NREP: variants seen among roughly 807,000 people sequenced by gnomAD.
The protein encoded by NREP is neuronal regeneration related protein, also known as neuronal regeneration-related protein.
A neutral mutation model predicts 8.6 loss-of-function variants in NREP; 5 were observed. That is an observed-to-expected ratio of 0.58 (90% confidence interval 0.30 to 1.22). The LOEUF (loss-of-function observed/expected upper bound fraction) is 1.22. NREP is among the 50% of genes most tolerant of loss of function. The pLI, the probability that NREP is intolerant of heterozygous loss-of-function variation, is 0.07. For missense variants in NREP, 86 were observed against 82.5 expected, an observed-to-expected ratio of 1.04 and a Z score of -0.17; for synonymous variants, 27 against 28.0, an observed-to-expected ratio of 0.96 and a Z score of 0.11.
intron 2 of NREP, among the ~76,000 whole-genome samples, chr5:111,863,114 T>C (rs759849649): frequency 2.0e-5 from 3 of 150,758 alleles, no homozygotes; most frequent in Admixed American, 6.6e-5. Flanking sequence ...AGAGATCAGC[T>C]AGAAGGCTGT....
At chr5:111,967,228 C>T (rs766686377) in intron 2 of NREP, among the ~76,000 whole-genome samples, 4 of 152,170 alleles carry the variant, frequency 2.6e-5, no homozygotes, top group African/African-American at 4.8e-5. Flanking sequence ...TGCACGAGCC[C>T]GTCATGCACC....
At chr5:111,950,941 A>G (rs1014128320) in intron 2 of NREP, among the ~76,000 whole-genome samples, 12 of 152,050 alleles carry the variant, frequency 7.9e-5, no homozygotes, top group African/African-American at 2.9e-4. Flanking sequence ...TCAAAGTGCA[A>G]TTGACGTCTC....
intron 2 of NREP, among the ~76,000 whole-genome samples, chr5:111,864,820 G>C (rs1753629452): frequency 6.6e-6 from 1 of 152,024 alleles, no homozygotes; most frequent in African/African-American, 2.4e-5. Flanking sequence ...AATTTAAAAA[G>C]GTTATTGATT....
chr5:111,814,534 T>C (rs545927490), intron 2 of NREP, among the ~76,000 whole-genome samples: 1 of 152,242 alleles, frequency 6.6e-6, no homozygotes, highest in East Asian at 1.9e-4. Flanking sequence ...AGGATTAAAG[T>C]ACTCCCCAGG....
At chr5:111,740,848 T>C (rs193213304) in intron 2 of NREP, among the ~76,000 whole-genome samples, 5 of 152,236 alleles carry the variant, frequency 3.3e-5, no homozygotes, top group African/African-American at 4.8e-5. Flanking sequence ...ATCTACTTAT[T>C]ACCTGTTTCT....
At chr5:111,930,309 A>G (rs1755501134) in intron 2 of NREP, among the ~76,000 whole-genome samples, 1 of 152,152 alleles carries the variant, frequency 6.6e-6, no homozygotes, top group Non-Finnish European at 1.5e-5. Flanking sequence ...ATTCCACTCC[A>G]TCTGTTACTA....
intron 3 of NREP, 87 bp from the exon 4 acceptor site, chr5:111,731,133 C>T (rs938693574): frequency 1.4e-6 from 2 of 1,480,934 alleles, no homozygotes; most frequent in Admixed American, 2.0e-5. Flanking sequence ...TAAAATTTTG[C>T]TTTTCCTGCC....
chr5:111,822,246 G>A (rs141296268), intron 2 of NREP, among the ~76,000 whole-genome samples: 122 of 152,198 alleles, frequency 8.0e-4, no homozygotes, highest in African/African-American at 1.7e-3. Flanking sequence ...GGAGAGAAGG[G>A]GAATAAAGAA....
At chr5:111,875,760 C>T (rs1753891981) in intron 2 of NREP, among the ~76,000 whole-genome samples, 1 of 152,164 alleles carries the variant, frequency 6.6e-6, no homozygotes, top group African/African-American at 2.4e-5. Context: ...GCTGGTGAAG[C>T]AGCCTTGTTG....
intron 2 of NREP, among the ~76,000 whole-genome samples, chr5:111,904,586 T>C (rs1279113220): frequency 6.6e-6 from 1 of 152,124 alleles, no homozygotes. Context: ...TGTGGCTTGA[T>C]AGTTCAATTT....
chr5:111,867,723 CAG>C (rs912119568), intron 2 of NREP, among the ~76,000 whole-genome samples: 4 of 152,002 alleles, frequency 2.6e-5, no homozygotes, highest in African/African-American at 9.7e-5. Flanking sequence ...GAAAACAAAA[CAG>C]AATAAAATAT....
chr5:111,949,872 T>C (rs371855145), intron 2 of NREP, among the ~76,000 whole-genome samples: 10 of 152,114 alleles, frequency 6.6e-5, no homozygotes, highest in African/African-American at 2.4e-4. Flanking sequence ...CTATTCTAAA[T>C]AGTGCTGAAA....
chr5:111,881,204 C>T (rs1408289265), intron 2 of NREP, among the ~76,000 whole-genome samples: 1 of 152,194 alleles, frequency 6.6e-6, no homozygotes, highest in Admixed American at 6.5e-5. Flanking sequence ...GGTCCTACAC[C>T]CACGGAGTCT....
At chr5:111,759,506 G>A (rs1250210867), upstream of NREP, among the ~76,000 whole-genome samples, 1 of 150,532 alleles carries the variant, frequency 6.6e-6, no homozygotes, top group Non-Finnish European at 1.5e-5. Context: ...TCCTCACTAC[G>A]GCCTCCCAAA....
intron 2 of NREP, among the ~76,000 whole-genome samples, chr5:111,737,366 G>T (rs1435760850): frequency 6.6e-6 from 1 of 152,174 alleles, no homozygotes; most frequent in African/African-American, 2.4e-5. Context: ...GATATAAAGT[G>T]ATTACATTTC....
chr5:111,758,349 C>T, upstream of NREP: 2 of 744,814 alleles, frequency 2.7e-6, no homozygotes, highest in Non-Finnish European at 3.3e-6. Context: ...GCCTGCCCGT[C>T]TGAAATTGTA....
At chr5:111,908,514 A>T (rs1754830492) in intron 2 of NREP, among the ~76,000 whole-genome samples, 1 of 152,088 alleles carries the variant, frequency 6.6e-6, no homozygotes. Context: ...TCCACTTATA[A>T]GTGAGAACAA....
intron 2 of NREP, among the ~76,000 whole-genome samples, chr5:111,955,353 T>A (rs527589418): frequency 6.6e-6 from 1 of 151,960 alleles, no homozygotes; most frequent in East Asian, 1.9e-4. Context: ...ATAAAATTAA[T>A]AGTTGAGTGA....
chr5:111,781,708 T>C (rs911814224), intron 2 of NREP, among the ~76,000 whole-genome samples: 12 of 152,350 alleles, frequency 7.9e-5, no homozygotes, highest in African/African-American at 2.9e-4. Flanking sequence ...ACTAATTCTA[T>C]TTAAAGCTTA....
Sources: allele counts gnomAD v4.1 joint callset (sites outside exome capture counted in the v4.1 genomes callset), GRCh38; gene constraint gnomAD v4.1.1; transcripts MANE v1.5; gene names NCBI Gene and HGNC (gene_info 2026-07-23, HGNC 2026-07-21).